Variants in TXLNB observed in about 807,000 individuals in gnomAD.
The protein encoded by TXLNB is taxilin beta, also known as beta-taxilin.
Under a neutral mutation model 57.4 loss-of-function variants are expected in TXLNB, and 37 were observed. The ratio of observed to expected loss-of-function variants is 0.64; its 90% CI spans 0.50 to 0.85. TXLNB has a LOEUF of 0.85. Among genes scored for constraint, TXLNB ranks in the 40% least tolerant of loss-of-function variants. The probability of loss-of-function intolerance (pLI) is 0.00; values close to 1 mark genes in which losing one functional copy is unlikely to be tolerated. For synonymous variants in TXLNB, 302 were observed against 309.6 expected (o/e 0.98, Z 0.26); for missense variants, 848 against 825.6 (o/e 1.03, Z -0.33).
the TXLNB span, among the ~76,000 whole-genome samples, chr6:139,169,290 A>C: frequency 6.6e-6 from 1 of 151,800 alleles, no homozygotes; most frequent in Non-Finnish European, 1.5e-5. Flanking sequence ...ATATATAATA[A>C]ATATATACAT....
At chr6:139,164,524 T>C in the TXLNB span, among the ~76,000 whole-genome samples, 46 of 152,054 alleles carry the variant, frequency 3.0e-4, no homozygotes, top group Non-Finnish European at 4.6e-4. Flanking sequence ...TCATTAAGAA[T>C]TGGCGATGTA....
chr6:139,300,674 G>T, the TXLNB span, among the ~76,000 whole-genome samples: 1 of 152,180 alleles, frequency 6.6e-6, no homozygotes, highest in African/African-American at 2.4e-5. Flanking sequence ...TGACGTGGTG[G>T]ATCACAAGGC....
chr6:139,255,734 T>C (rs1280722198), intron 6 of TXLNB, 96 bp from the exon 7 acceptor site: 25 of 861,814 alleles, frequency 2.9e-5, no homozygotes, highest in Non-Finnish European at 4.6e-5. Context: ...AACCTGCTCA[T>C]TAACCTCCTT....
chr6:139,187,438 T>C, the TXLNB span, among the ~76,000 whole-genome samples: 1 of 152,214 alleles, frequency 6.6e-6, no homozygotes, highest in African/African-American at 2.4e-5. Flanking sequence ...TTGCTTTTTT[T>C]TCCCCATGTT....
chr6:139,230,090 T>G, the TXLNB span, among the ~76,000 whole-genome samples: 1 of 152,246 alleles, frequency 6.6e-6, no homozygotes, highest in African/African-American at 2.4e-5. Flanking sequence ...TAGTTTGTTA[T>G]AAAAAGCTCT....
chr6:139,226,592 T>A, the TXLNB span, among the ~76,000 whole-genome samples: 1 of 151,572 alleles, frequency 6.6e-6, no homozygotes, highest in African/African-American at 2.4e-5. Context: ...TTACTACACA[T>A]GAACAAGAAA....
intron 3 of TXLNB, among the ~76,000 whole-genome samples, chr6:139,274,464 C>G (rs1776843925): frequency 6.6e-6 from 1 of 152,078 alleles, no homozygotes; most frequent in Admixed American, 6.6e-5. Flanking sequence ...TAATCTTCTC[C>G]TATTCATTTT....
At chr6:139,318,052 G>A in the TXLNB span, among the ~76,000 whole-genome samples, 171 of 151,860 alleles carry the variant, frequency 1.1e-3, 2 homozygotes, top group Non-Finnish European at 2.1e-3. Flanking sequence ...GATGGATCAC[G>A]AGGTCAGGAG....
chr6:139,166,963 C>G, the TXLNB span: 4 of 1,614,168 alleles, frequency 2.5e-6, no homozygotes, highest in Non-Finnish European at 3.4e-6. Context: ...GCCATGTGTT[C>G]AGAAATGCCC....
the TXLNB span, among the ~76,000 whole-genome samples, chr6:139,230,971 T>C: frequency 6.6e-6 from 1 of 152,190 alleles, no homozygotes; most frequent in Admixed American, 6.5e-5. Flanking sequence ...ATAGGCTCCA[T>C]TACTTTATTA....
At chr6:139,173,806 T>C in the TXLNB span, among the ~76,000 whole-genome samples, 2 of 152,194 alleles carry the variant, frequency 1.3e-5, no homozygotes, top group African/African-American at 4.8e-5. Flanking sequence ...TGAACTTCTT[T>C]TAAAAAATTA....
At chr6:139,248,452 C>T (rs552278312) in intron 7 of TXLNB, among the ~76,000 whole-genome samples, 65 of 150,886 alleles carry the variant, frequency 4.3e-4, no homozygotes, top group African/African-American at 1.3e-3. Context: ...GCAGAGATCA[C>T]GCCATTACAC....
chr6:139,196,180 T>A, the TXLNB span, among the ~76,000 whole-genome samples: 1 of 152,124 alleles, frequency 6.6e-6, no homozygotes. Context: ...TTAAGCCATA[T>A]AATAAATCTT....
intron 1 of TXLNB, among the ~76,000 whole-genome samples, chr6:139,290,030 A>C (rs1393588973): frequency 4.6e-5 from 7 of 152,180 alleles, no homozygotes; most frequent in Admixed American, 3.3e-4. Context: ...TGAGGCTTAA[A>C]CTGGCATCAT....
the TXLNB span, among the ~76,000 whole-genome samples, chr6:139,202,179 G>A: frequency 2.0e-4 from 31 of 152,118 alleles, no homozygotes; most frequent in African/African-American, 6.3e-4. Context: ...CCATGTATAC[G>A]TGGTTGTACA....
At chr6:139,285,124 T>A (rs1777141355) in intron 2 of TXLNB, among the ~76,000 whole-genome samples, 1 of 145,016 alleles carries the variant, frequency 6.9e-6, no homozygotes. Context: ...GGAGTTGGAA[T>A]TTTTAAAAAC....
upstream of TXLNB, among the ~76,000 whole-genome samples, chr6:139,293,638 T>A (rs1013661266): frequency 6.6e-6 from 1 of 152,026 alleles, no homozygotes; most frequent in Non-Finnish European, 1.5e-5. Flanking sequence ...CTGCTAAATT[T>A]GTGATAAGAT....
intron 2 of TXLNB, among the ~76,000 whole-genome samples, chr6:139,283,755 C>T (rs1312645553): frequency 2.1e-5 from 3 of 145,348 alleles, no homozygotes; most frequent in African/African-American, 7.6e-5. Flanking sequence ...AAAGTAGACA[C>T]ACTTTGGAAA....
At position 139,247,908 on chromosome 6, in the gene TXLNB, A is replaced by G; in HGVS notation, c.1079T>C (p.Leu360Pro). The change falls in exon 8 of 10, where the codon CTC (leucine) becomes CCC (proline). Residue 360 changes from leucine (L) to proline (P), a missense_variant and splice_region_variant. Leu to Pro is a moderately conservative substitution (Grantham distance 98). Coordinates refer to ENST00000358430, the MANE Select transcript of TXLNB (RefSeq NM_153235.4). ...KEQETVLQAQLTLYSGRFEEF... is the reference protein window; with the variant it reads ...KEQETVLQAQPTLYSGRFEEF... ...TTCAAACCTTCCTGAGTAGAGAGTG[A>G]GCTGTAAACAGAGGAAAGAGTGGAT... 6.3e-7 allele frequency: 1 copy of G among 1,582,856 alleles called. No individual in the cohort carries two copies. The highest frequency in any genetic ancestry group is 2.3e-5 in the East Asian group (1 of 44,010).
Sources: allele counts gnomAD v4.1 joint callset (sites outside exome capture counted in the v4.1 genomes callset), GRCh38; gene constraint gnomAD v4.1.1; transcripts MANE v1.5; gene names NCBI Gene and HGNC (gene_info 2026-07-23, HGNC 2026-07-21).